The following TTLL4 variants were observed in gnomAD, a reference collection of about 807,000 sequenced individuals.
TTLL4 encodes tubulin tyrosine ligase like 4.
In TTLL4, 85 loss-of-function variants were observed where a neutral mutation model predicts 122.7. The observed-to-expected ratio is 0.69, with a 90% CI of 0.58 to 0.83. The LOEUF (loss-of-function observed/expected upper bound fraction) is 0.83, where lower values mean the gene tolerates loss of function less well. Ranked by LOEUF, TTLL4 falls within the 40% of genes least tolerant of loss-of-function variation. TTLL4 has a pLI of 0.00. For missense variants in TTLL4, 1,363 were observed against 1,488.6 expected (o/e 0.92, Z 1.39); for synonymous variants, 553 against 563.0 (o/e 0.98, Z 0.25).
In TTLL4 at chr2:218,745,102, G is replaced by A. The variant is rs761265360; in HGVS notation, c.1662-7G>A. 5.6e-6 allele frequency: 9 copies of A among 1,613,260 alleles called. No homozygotes were observed. The East Asian group carries it at 6.7e-5, about 12-fold the overall frequency. ...TTTCTCTACTCCATGTTTGTTTTTC[G>A]TCTTAGAAGCTGTATGGAAATTCTG... On this transcript the variant is annotated splice_polypyrimidine_tract_variant and splice_region_variant and intron_variant, in intron 5 of 19. Coordinates refer to ENST00000392102, the MANE Select transcript of TTLL4 (RefSeq NM_014640.5).
At chr2:218,715,918 C>T (rs150034083) in intron 1 of TTLL4, among the ~76,000 whole-genome samples, 1 of 152,338 alleles carries the variant, frequency 6.6e-6, no homozygotes, top group East Asian at 1.9e-4. Context: ...GCGTGAGCCA[C>T]CACACCCGGC....
intron 3 of TTLL4, 62 bp from the exon 4 acceptor site, chr2:218,739,996 G>C: frequency 6.8e-7 from 1 of 1,465,932 alleles, no homozygotes; most frequent in Non-Finnish European, 9.5e-7. Flanking sequence ...GAAGGAATGA[G>C]AATCTAACTG....
chr2:218,752,622 C>G, intron 16 of TTLL4, 141 bp from the exon 17 acceptor site: 1 of 807,532 alleles, frequency 1.2e-6, no homozygotes, highest in Non-Finnish European at 2.0e-6. Context: ...AGCTGGCCCA[C>G]TAGGCTGCCC....
chr2:218,737,504 T>C, intron 2 of TTLL4, 75 bp from the exon 3 acceptor site: 1 of 765,570 alleles, frequency 1.3e-6, no homozygotes, highest in South Asian at 2.0e-5. Flanking sequence ...CTGTACTGCT[T>C]ACCTGAGGAC....
At chr2:218,746,340 G>A in intron 8 of TTLL4, 109 bp downstream of exon 8, 1 of 1,209,242 alleles carries the variant, frequency 8.3e-7, no homozygotes, top group South Asian at 1.2e-5. Context: ...TGACCATGGA[G>A]AAGTCAGGAA....
chr2:218,741,896 C>T (rs1942711764), intron 5 of TTLL4, among the ~76,000 whole-genome samples: 1 of 152,174 alleles, frequency 6.6e-6, no homozygotes, highest in African/African-American at 2.4e-5. Flanking sequence ...TAATTAACTT[C>T]TACAAATTGC....
intron 5 of TTLL4, among the ~76,000 whole-genome samples, chr2:218,743,017 G>A (rs1413698385): frequency 2.0e-5 from 3 of 151,964 alleles, no homozygotes; most frequent in Non-Finnish European, 2.9e-5. Flanking sequence ...GATGGTGGGC[G>A]CCTATAATCC....
chr2:218,742,149 A>G (rs1034637423), intron 5 of TTLL4, among the ~76,000 whole-genome samples: 13 of 151,856 alleles, frequency 8.6e-5, no homozygotes, highest in African/African-American at 3.1e-4. Context: ...TTTTTTGTAG[A>G]GTTGTGGGGG....
chr2:218,749,293 CG>C lies in TTLL4; in HGVS notation c.2642del (p.Arg881HisfsTer16). 1 of 1,614,110 alleles carries C rather than the reference CG, an allele frequency of 6.2e-7. No homozygotes were observed. Among genetic ancestry groups the C allele is most frequent in the Non-Finnish European group, 8.5e-7 (1 of 1,180,018 alleles). On this transcript the variant is annotated frameshift_variant, in exon 14 of 20. Transcript: ENST00000392102. LOFTEE classifies it high-confidence loss of function. ...YVTSLLKMYV[R>X]RPYSCHELFG... The stretch of plus-strand genomic sequence containing the variant: ...GACCAGCCTGCTCAAGATGTATGTG[CG>C]ACGGCCCTATAGCTGCCATGAACTC...
intron 1 of TTLL4, among the ~76,000 whole-genome samples, chr2:218,722,372 C>T (rs1942070283): frequency 6.8e-6 from 1 of 146,198 alleles, no homozygotes; most frequent in Non-Finnish European, 1.5e-5. Context: ...TTTTTTTGAG[C>T]CAAGTGTAAG....
chr2:218,753,473 G>T, intron 18 of TTLL4, 111 bp from the exon 19 acceptor site: 1 of 1,116,156 alleles, frequency 9.0e-7, no homozygotes, highest in South Asian at 1.3e-5. Flanking sequence ...GGTAGGGAAG[G>T]GGAGAACCCC....
Position 218,739,175 on chromosome 2 carries a change from A to T in TTLL4, c.1487+12A>T, listed in dbSNP as rs202102898. ...GATAGGGATATTAGGTATGTTGGCA[A>T]TGTTTTTGGTTCATTTAGAGCAGTA... is the stretch of plus-strand genomic sequence containing the variant. On this transcript the variant is annotated intron_variant, in intron 3 of 19. Coordinates refer to ENST00000392102, the MANE Select transcript of TTLL4 (RefSeq NM_014640.5). 6.2e-7 allele frequency: 1 copy of T among 1,604,000 alleles called. No individual in the cohort carries two copies. The highest frequency in any genetic ancestry group is 1.3e-5 in the African/African-American group (1 of 74,650).
chr2:218,756,327 G>C (rs1393972793), downstream of TTLL4, among the ~76,000 whole-genome samples: 1 of 152,168 alleles, frequency 6.6e-6, no homozygotes, highest in Non-Finnish European at 1.5e-5. Flanking sequence ...ATTGCTGAAT[G>C]GGGGTATTGG....
intron 8 of TTLL4, chr2:218,746,762 T>C (rs1374876476): frequency 1.9e-6 from 1 of 539,790 alleles, no homozygotes; most frequent in African/African-American, 1.9e-5. Flanking sequence ...AATAGCTTTT[T>C]CTTTGCACTT....
At chr2:218,713,279 T>C (rs1941767155) in intron 1 of TTLL4, among the ~76,000 whole-genome samples, 1 of 152,166 alleles carries the variant, frequency 6.6e-6, no homozygotes, top group Non-Finnish European at 1.5e-5. Context: ...CAGCTATTTG[T>C]AGGCTGAGGT....
intron 2 of TTLL4, among the ~76,000 whole-genome samples, chr2:218,729,243 A>G (rs1397537121): frequency 1.3e-5 from 2 of 152,006 alleles, no homozygotes; most frequent in Admixed American, 1.3e-4. Flanking sequence ...CTGGTTGTCT[A>G]TCTTGATATC....
At chr2:218,715,216 T>C (rs191844585) in intron 1 of TTLL4, among the ~76,000 whole-genome samples, 9 of 152,352 alleles carry the variant, frequency 5.9e-5, no homozygotes, top group Admixed American at 4.6e-4. Flanking sequence ...GTGATAGTTG[T>C]TTTGATTGAA....
intron 2 of TTLL4, among the ~76,000 whole-genome samples, chr2:218,732,750 T>C (rs964815452): frequency 2.0e-5 from 3 of 152,206 alleles, no homozygotes; most frequent in Non-Finnish European, 4.4e-5. Flanking sequence ...GTGGCAGTGA[T>C]TGGGGGTCTG....
At position 218,754,346 on chromosome 2, in the gene TTLL4, C is replaced by T; in HGVS notation, c.3557C>T (p.Thr1186Ile). The T allele has an allele frequency of 6.2e-7, 1 of 1,614,234 alleles. No homozygotes were observed. Among genetic ancestry groups the T allele is most frequent in the Non-Finnish European group, 8.5e-7 (1 of 1,180,042 alleles). Residue 1186 changes from threonine (T) to isoleucine (I), a missense_variant, in exon 20 of 20, where the codon ACT (threonine) becomes ATT (isoleucine). Thr to Ile is a moderately conservative substitution (Grantham distance 89). Around this residue, in one of 3 missense-constraint regions of TTLL4, gnomAD observed 596 missense variants for 655.8 expected, o/e 0.91. Transcript: ENST00000392102. Reference protein sequence around the residue: ...GQTSRLSASSTFQSISDSLLA... With the variant: ...GQTSRLSASSIFQSISDSLLA... Reference sequence around the variant, plus strand: ...ACTTCAAGACTTTCTGCTTCCTCCACTTTCCAGTCAATCAGTGACTCCCTC... The same window carrying T: ...ACTTCAAGACTTTCTGCTTCCTCCATTTTCCAGTCAATCAGTGACTCCCTC...
Sources: gnomAD v4.1 joint callset for allele counts (sites outside exome capture counted in the v4.1 genomes callset) on GRCh38, gnomAD v4.1.1 for gene constraint, gnomAD v4.1.1 regional missense constraint, MANE v1.5 for transcripts, NCBI Gene and HGNC (gene_info 2026-07-23, HGNC 2026-07-21) for gene names.